The following TAF4 variants were observed in gnomAD, a reference collection of about 807,000 sequenced individuals.
The protein encoded by TAF4 is transcription initiation factor TFIID subunit 4.
A neutral mutation model predicts 90.3 loss-of-function variants in TAF4; 9 were observed. That is an observed-to-expected ratio of 0.10 (90% confidence interval 0.06 to 0.17). The LOEUF (loss-of-function observed/expected upper bound fraction) is 0.17, where lower values mean the gene tolerates loss of function less well. Ranked by LOEUF, TAF4 falls within the 10% of genes least tolerant of loss-of-function variation. TAF4 has a pLI of 1.00. For synonymous variants in TAF4, 818 were observed against 638.9 expected (o/e 1.28, Z -4.23); for missense variants, 1,351 against 1,370.7 (o/e 0.99, Z 0.23).
chr20:61,982,221 C>T (rs2055550517), intron 14 of TAF4, among the ~76,000 whole-genome samples: 1 of 10,364 alleles, frequency 9.6e-5, no homozygotes, highest in Non-Finnish European at 4.2e-4. Context: ...ACACCAAACC[C>T]ACACCCACTG....
chr20:62,008,848 G>T, intron 5 of TAF4: 1 of 568,736 alleles, frequency 1.8e-6, no homozygotes, highest in Non-Finnish European at 2.8e-6. Context: ...GCCGGCCCCA[G>T]AACACCCAGC....
intron 9 of TAF4, 70 bp from the exon 10 acceptor site, chr20:62,000,791 G>A: frequency 6.4e-7 from 1 of 1,573,028 alleles, no homozygotes; most frequent in Non-Finnish European, 8.7e-7. Context: ...GGGGTGGTAA[G>A]GGCAGGAAAC....
intron 1 of TAF4, among the ~76,000 whole-genome samples, chr20:62,026,213 G>A (rs1447671945): frequency 3.3e-5 from 5 of 152,046 alleles, no homozygotes; most frequent in Admixed American, 6.6e-5. Flanking sequence ...CCCGAGAGTC[G>A]TATTAACAAC....
chr20:61,996,665 G>A (rs1600832954), intron 14 of TAF4, among the ~76,000 whole-genome samples: 1 of 152,108 alleles, frequency 6.6e-6, no homozygotes, highest in Middle Eastern at 3.4e-3. Context: ...AGGGCGTGGT[G>A]GCACACGTCT....
At chr20:61,988,441 C>A (rs912088475) in intron 14 of TAF4, among the ~76,000 whole-genome samples, 1 of 152,058 alleles carries the variant, frequency 6.6e-6, no homozygotes, top group African/African-American at 2.4e-5. Flanking sequence ...CAGTATCATA[C>A]CCACGTTTAA....
At chr20:61,999,236 C>T in intron 11 of TAF4, 128 bp from the exon 12 acceptor site, 1 of 1,188,116 alleles carries the variant, frequency 8.4e-7, no homozygotes, top group Non-Finnish European at 1.2e-6. Flanking sequence ...CGGCGAGGAC[C>T]CGATCCCTCC....
At position 62,010,278 on chromosome 20, in the gene TAF4, G is replaced by A. The variant is rs113058699; in HGVS notation, c.1642-113C>T. On this transcript the variant is annotated intron_variant, in intron 3 of 14. Coordinates refer to ENST00000252996, the MANE Select transcript of TAF4 (RefSeq NM_003185.4). The surrounding 1 kb of genome is among the most constrained non-coding windows in gnomAD (Gnocchi z 4.5). ...CAAGCCTCCCTGCGGTGGCCAGGAC[G>A]CCCAGGAAGCCAAGGACCCCGGCCA... is the stretch of plus-strand genomic sequence containing the variant. The A allele has an allele frequency of 6.1e-5, 91 of 1,502,906 alleles. No individual in the cohort carries two copies. The highest frequency in any genetic ancestry group is 1.7e-4 in the African/African-American group (12 of 72,256). The allele number at this position is 1,502,906 out of a possible 1,614,324, so 93.1% of individuals were successfully genotyped here. A position where few individuals can be genotyped will look rare whatever the true frequency, so the allele number is the denominator to read the frequency against.
intron 9 of TAF4, among the ~76,000 whole-genome samples, chr20:62,002,320 T>C (rs1384201429): frequency 6.6e-6 from 1 of 152,056 alleles, no homozygotes; most frequent in African/African-American, 2.4e-5. Context: ...GGATGAAGTG[T>C]CTGGGAAAGG....
chr20:62,006,473 G>A lies in TAF4; in HGVS notation c.2223+37C>T. On this transcript the variant is annotated intron_variant, in intron 7 of 14. Transcript: ENST00000252996. This position sits in a 1 kb window ranked among gnomAD's most constrained non-coding sequence, Gnocchi z 7.0. ...AGAAGCGGGCGGGAGCAGAGGCACG[G>A]TGGGCTGTGCAGACCAGTCAGGCGC... 2.2e-6 allele frequency: 3 copies of A among 1,394,888 alleles called. No homozygotes were observed. Among genetic ancestry groups the A allele is most frequent in the Non-Finnish European group, 1.9e-6 (2 of 1,070,696 alleles). The allele number at this position is 1,394,888 out of a possible 1,614,324, so 86.4% of individuals were successfully genotyped here.
intron 4 of TAF4, among the ~76,000 whole-genome samples, chr20:62,009,428 A>T (rs187321359): frequency 6.6e-5 from 10 of 152,352 alleles, no homozygotes; most frequent in South Asian, 2.1e-4. Flanking sequence ...GCAAATAATT[A>T]AAAAAGTGAA....
chr20:62,003,355 G>C (rs2055720094), intron 8 of TAF4, 81 bp from the exon 9 acceptor site: 1 of 1,151,784 alleles, frequency 8.7e-7, no homozygotes, highest in East Asian at 2.3e-5. Context: ...CAGGCTCAAG[G>C]GCACAGCTAC....
chr20:62,012,966 C>A (rs754247591), intron 2 of TAF4, 32 bp from the exon 3 acceptor site: 9 of 1,609,836 alleles, frequency 5.6e-6, no homozygotes, highest in Non-Finnish European at 5.9e-6. Flanking sequence ...CTAAAACGAG[C>A]GCAAGTAAAA....
chr20:62,019,987 G>A (rs2123159674), intron 1 of TAF4, among the ~76,000 whole-genome samples: 1 of 152,258 alleles, frequency 6.6e-6, no homozygotes, highest in South Asian at 2.1e-4. Flanking sequence ...CTCCGCCCTG[G>A]CCTCCTGAGG....
At chr20:62,052,654 G>A (rs1192068665) in intron 1 of TAF4, among the ~76,000 whole-genome samples, 2 of 151,544 alleles carry the variant, frequency 1.3e-5, no homozygotes, top group South Asian at 2.1e-4. Flanking sequence ...GAACACCACC[G>A]TCCCCACATT....
intron 3 of TAF4, among the ~76,000 whole-genome samples, chr20:62,011,041 C>G (rs949220827): frequency 2.0e-5 from 3 of 152,180 alleles, no homozygotes; most frequent in Non-Finnish European, 4.4e-5. Context: ...TCCGGAGCAG[C>G]GAGCTCTCTC....
At chr20:62,051,555 G>A (rs952635210) in intron 1 of TAF4, among the ~76,000 whole-genome samples, 6 of 151,722 alleles carry the variant, frequency 4.0e-5, no homozygotes, top group East Asian at 1.9e-4. Context: ...CCCTCTCACC[G>A]CCATAGGACA....
intron 1 of TAF4, among the ~76,000 whole-genome samples, chr20:62,053,992 G>C (rs752881175): frequency 6.6e-6 from 1 of 152,226 alleles, no homozygotes; most frequent in Non-Finnish European, 1.5e-5. Context: ...ACCAGCTGGG[G>C]GGAGCCCAAG....
chr20:61,974,884 G>A lies in TAF4; in HGVS notation c.*1284C>T, dbSNP rs912683188. ...GCAATTAAAAACTTCATTTCTGAAAGTAAAATATTTACATATGAACAAGTA... is the reference window on the plus strand; with the variant it reads ...GCAATTAAAAACTTCATTTCTGAAAATAAAATATTTACATATGAACAAGTA... On this transcript the variant is annotated 3_prime_UTR_variant, in exon 15 of 15. Coordinates refer to ENST00000252996, the MANE Select transcript of TAF4 (RefSeq NM_003185.4). This position sits in a 1 kb window ranked among gnomAD's most constrained non-coding sequence, Gnocchi z 4.1. 1.3e-5 allele frequency: 2 copies of A among 152,288 alleles called. No homozygotes were observed. The highest frequency in any genetic ancestry group is 4.8e-5 in the African/African-American group (2 of 41,418). 9.4% of individuals were successfully genotyped at this position (152,288 alleles called of 1,614,324 possible). A position where few individuals can be genotyped will look rare whatever the true frequency, so the allele number is the denominator to read the frequency against.
At position 61,976,381 on chromosome 20, in the gene TAF4, T is replaced by C. The variant is rs202038437; in HGVS notation, c.3091-46A>G. On this transcript the variant is annotated intron_variant, in intron 14 of 14. Coordinates refer to ENST00000252996, the MANE Select transcript of TAF4 (RefSeq NM_003185.4). ...GACAGTGTGTTAGTGGGGCTCAGAG[T>C]GGGGCTTGCAATGAGCCTGTGTATC... 124 of 1,602,754 alleles carry C rather than the reference T, an allele frequency of 7.7e-5. 1 individual carries two copies. In the East Asian group the frequency reaches 1.4e-3, roughly 18 times the overall value.
Sources: allele counts gnomAD v4.1 joint callset (sites outside exome capture counted in the v4.1 genomes callset), GRCh38; gene constraint gnomAD v4.1.1; non-coding constraint Gnocchi (gnomAD v3.1); transcripts MANE v1.5; gene names NCBI Gene and HGNC (gene_info 2026-07-23, HGNC 2026-07-21).